COL27A1: variants seen among roughly 807,000 people sequenced by gnomAD.
COL27A1 encodes the protein collagen type XXVII alpha 1 chain, also known as collagen alpha-1(XXVII) chain.
A neutral mutation model predicts 251.3 loss-of-function variants in COL27A1; 106 were observed. The observed-to-expected ratio is 0.42, with a 90% CI of 0.36 to 0.50. The LOEUF is 0.50. COL27A1 is among the 20% of genes least tolerant of loss of function. The pLI is 0.00. For synonymous variants in COL27A1, 1,000 were observed against 986.3 expected (o/e 1.01, Z -0.26); for missense variants, 2,325 against 2,522.8 (o/e 0.92, Z 1.68).
intron 23 of COL27A1, 47 bp downstream of exon 23, chr9:114,243,607 C>A: frequency 6.7e-7 from 1 of 1,498,760 alleles, no homozygotes; most frequent in Non-Finnish European, 9.2e-7. Flanking sequence ...AGAGGGGATC[C>A]TACATATCTG....
At chr9:114,267,443 C>T (rs966287271) in intron 33 of COL27A1, 61 bp from the exon 34 acceptor site, 3 of 1,478,492 alleles carry the variant, frequency 2.0e-6, no homozygotes, top group Non-Finnish European at 2.8e-6. Context: ...TCAGTTACCC[C>T]CTTGCTTACA....
intron 14 of COL27A1, among the ~76,000 whole-genome samples, chr9:114,227,341 A>C (rs1024878470): frequency 2.1e-5 from 3 of 142,602 alleles, no homozygotes. Context: ...TCAACAGCCA[A>C]CTCAGGCCTT....
At position 114,288,544 on chromosome 9, in the gene COL27A1, G is replaced by A. The variant is rs1630612; in HGVS notation, c.4044+33G>A. On this transcript the variant is annotated intron_variant, in intron 42 of 60. Coordinates refer to ENST00000356083, the MANE Select transcript of COL27A1 (RefSeq NM_032888.4). ...CCCTCCCTCCCCTGGACCATGTGGC[G>A]TCCTAGGTGGAATCTGAGCCTCCCG... 4,764 of 1,582,644 alleles carry A rather than the reference G, an allele frequency of 3.0e-3. 114 individuals carry two copies. The African/African-American group carries it at 0.056, about 19-fold the overall frequency.
chr9:114,282,611 G>A, intron 39 of COL27A1, 47 bp downstream of exon 39: 2 of 1,253,938 alleles, frequency 1.6e-6, no homozygotes, highest in South Asian at 3.0e-5. Flanking sequence ...TGGAATAGAG[G>A]GAACCAAGGG....
At chr9:114,194,841 C>T (rs1182607963) in intron 6 of COL27A1, among the ~76,000 whole-genome samples, 1 of 152,242 alleles carries the variant, frequency 6.6e-6, no homozygotes, top group Non-Finnish European at 1.5e-5. Context: ...TTCCAATAGA[C>T]ACTCAAAGCC....
chr9:114,234,245 T>TC (rs1832189254), intron 16 of COL27A1, among the ~76,000 whole-genome samples: 1 of 146,056 alleles, frequency 6.8e-6, no homozygotes, highest in African/African-American at 2.5e-5. Flanking sequence ...GTCCTGTGGT[T>TC]CCCCAAATAC....
In COL27A1 at chr9:114,219,928, G is replaced by A. The variant is rs1168260255; in HGVS notation, c.2421+84G>A. 3 of 1,035,400 alleles carry A rather than the reference G, an allele frequency of 2.9e-6. No individual in the cohort carries two copies. The African/African-American group carries it at 4.7e-5, about 16-fold the overall frequency. The allele number at this position is 1,035,400 out of a possible 1,614,324, so 64.1% of individuals were successfully genotyped here. A position where few individuals can be genotyped will look rare whatever the true frequency, so the allele number is the denominator to read the frequency against. On this transcript the variant is annotated intron_variant, in intron 13 of 60. Transcript: ENST00000356083. ...TTTAGGAGCCCACGCTTTAGGGTCA[G>A]ACAGACCTGGGTCAAATCCCAGCCC...
At chr9:114,164,182 T>A (rs1224199549) in intron 2 of COL27A1, among the ~76,000 whole-genome samples, 1 of 152,214 alleles carries the variant, frequency 6.6e-6, no homozygotes, top group Non-Finnish European at 1.5e-5. Flanking sequence ...AAAGTGAGGA[T>A]AATAAAGAGT....
At chr9:114,261,807 C>T (rs1813358941) in intron 28 of COL27A1, among the ~76,000 whole-genome samples, 1 of 152,188 alleles carries the variant, frequency 6.6e-6, no homozygotes, top group Admixed American at 6.5e-5. Context: ...CTGGCTCCTC[C>T]ATTTCCTAGC....
intron 5 of COL27A1, among the ~76,000 whole-genome samples, chr9:114,191,682 T>A (rs1828759584): frequency 6.6e-6 from 1 of 152,248 alleles, no homozygotes; most frequent in African/African-American, 2.4e-5. Context: ...CGCATTTAGG[T>A]TGATTCCATG....
intron 28 of COL27A1, among the ~76,000 whole-genome samples, chr9:114,259,692 T>C (rs1437052342): frequency 6.6e-6 from 1 of 152,162 alleles, no homozygotes; most frequent in Non-Finnish European, 1.5e-5. Flanking sequence ...AATTCAGCCT[T>C]ATTTTCAATC....
Position 114,300,103 on chromosome 9 carries a change from G to T in COL27A1, c.4618G>T (p.Ala1540Ser), listed in dbSNP as rs148165104. Residue 1540 changes from alanine to serine, a missense_variant, in exon 50 of 61, where the codon GCA becomes TCA. By Grantham distance (99) the Ala-to-Ser change is moderately conservative. Coordinates refer to ENST00000356083, the MANE Select transcript of COL27A1 (RefSeq NM_032888.4). ...DSGEMGFPGM[A>S]GLFGPKGPPG... ...TGGCGAGATGGGCTTCCCAGGAATG[G>T]CAGGTCTCTTCGGACCCAAGGTATG... 2 of 1,614,020 alleles carry T rather than the reference G, an allele frequency of 1.2e-6. No homozygotes were observed. Among genetic ancestry groups the T allele is most frequent in the Admixed American group, 3.3e-5 (2 of 60,006 alleles).
At position 114,246,295 on chromosome 9, in the gene COL27A1, C is replaced by G. The variant is rs535689024; in HGVS notation, c.2979+385C>G. On this transcript the variant is annotated intron_variant, in intron 24 of 60. Transcript: ENST00000356083. ...GCCAAAGGCCAGAGAAGTGTTACCACTTGCCAAGGTCCCTTGGTCTAGGCA... is the reference window on the plus strand; with the variant it reads ...GCCAAAGGCCAGAGAAGTGTTACCAGTTGCCAAGGTCCCTTGGTCTAGGCA... Among the ~76,000 whole-genome samples, 98 of 152,218 alleles carry G rather than the reference C, an allele frequency of 6.4e-4. 1 individual carries two copies. The highest frequency in any genetic ancestry group is 1.3e-3 in the Non-Finnish European group (86 of 68,042).
chr9:114,192,962 C>T (rs553310304), intron 5 of COL27A1, among the ~76,000 whole-genome samples: 46 of 152,256 alleles, frequency 3.0e-4, no homozygotes, highest in African/African-American at 9.6e-4. Flanking sequence ...ACCATTATCC[C>T]ACTGGCTCCT....
At chr9:114,197,504 T>C (rs1829230798) in intron 7 of COL27A1, among the ~76,000 whole-genome samples, 2 of 152,078 alleles carry the variant, frequency 1.3e-5, no homozygotes, top group African/African-American at 4.8e-5. Context: ...GGATGAGGTG[T>C]GAGTGGAAAA....
intron 5 of COL27A1, 100 bp from the exon 6 acceptor site, chr9:114,194,304 G>T (rs1458391217): frequency 4.6e-6 from 5 of 1,098,896 alleles, no homozygotes; most frequent in Non-Finnish European, 7.0e-6. Flanking sequence ...GGATGGGAAG[G>T]CATTTAAGCA....
At chr9:114,307,990 A>G (rs761430297) in intron 59 of COL27A1, among the ~76,000 whole-genome samples, 18 of 152,366 alleles carry the variant, frequency 1.2e-4, no homozygotes, top group South Asian at 2.1e-4. Context: ...TTCGAGTCAT[A>G]TGATGCTGAT....
intron 9 of COL27A1, 38 bp downstream of exon 9, chr9:114,205,850 T>C: frequency 1.3e-6 from 2 of 1,586,944 alleles, no homozygotes; most frequent in Non-Finnish European, 1.7e-6. Context: ...GTGGCCATGG[T>C]GATGTGAAGA....
In COL27A1 at chr9:114,300,223, T is replaced by C. The variant is rs114116297; in HGVS notation, c.4638+100T>C. 1,147 of 1,299,268 alleles carry C rather than the reference T, an allele frequency of 8.8e-4. 9 individuals carry two copies. In the African/African-American group the frequency reaches 0.015, roughly 17 times the overall value. The allele number at this position is 1,299,268 out of a possible 1,614,324, so 80.5% of individuals were successfully genotyped here. ...AAATATTTATGGAGCACTGAAAACA[T>C]TGGCTGGAAAACAGCCAGAATCAGG... On this transcript the variant is annotated intron_variant, in intron 50 of 60. Transcript: ENST00000356083.
Sources: gnomAD v4.1 joint callset for allele counts (sites outside exome capture counted in the v4.1 genomes callset) on GRCh38, gnomAD v4.1.1 for gene constraint, MANE v1.5 for transcripts, NCBI Gene and HGNC (gene_info 2026-07-23, HGNC 2026-07-21) for gene names.